LRMDA: variants seen among roughly 807,000 people sequenced by gnomAD.
LRMDA encodes the protein leucine rich melanocyte differentiation associated, also known as leucine-rich melanocyte differentiation-associated protein.
LRMDA carries 18 observed loss-of-function variants against 29.8 expected under a neutral mutation model. That is an observed-to-expected ratio of 0.60 (90% CI 0.42 to 0.90). The LOEUF is 0.90. Among genes scored for constraint, LRMDA ranks in the 40% least tolerant of loss-of-function variants. The probability of loss-of-function intolerance (pLI) is 0.00; values close to 1 mark genes in which losing one functional copy is unlikely to be tolerated. For missense variants in LRMDA, 273 were observed against 273.9 expected, an observed-to-expected ratio of 1.00 and a Z score of 0.02; for synonymous variants, 125 against 109.4, an observed-to-expected ratio of 1.14 and a Z score of -0.89.
At chr10:75,635,312 C>T (rs1214261411) in intron 2 of LRMDA, among the ~76,000 whole-genome samples, 2 of 152,012 alleles carry the variant, frequency 1.3e-5, no homozygotes, top group African/African-American at 4.8e-5. Flanking sequence ...GGACTAGAGC[C>T]CCGAGAATTG....
chr10:75,777,512 A>G (rs1006298491), intron 2 of LRMDA, among the ~76,000 whole-genome samples: 4 of 152,238 alleles, frequency 2.6e-5, no homozygotes, highest in African/African-American at 9.6e-5. Context: ...CTGCTTCTGC[A>G]ACAAGCTGCT....
intron 2 of LRMDA, among the ~76,000 whole-genome samples, chr10:75,707,951 C>T (rs546915963): frequency 6.6e-6 from 1 of 152,290 alleles, no homozygotes; most frequent in East Asian, 1.9e-4. Context: ...TCCTTCCTTA[C>T]TTCTTGACCT....
At chr10:76,099,982 T>C (rs10824363) in intron 5 of LRMDA, among the ~76,000 whole-genome samples, 65,107 of 152,036 alleles carry the variant, frequency 0.43, 14,465 homozygotes, top group Non-Finnish European at 0.46. Flanking sequence ...TCAGGTCTTC[T>C]ATATCAGTGT....
intron 5 of LRMDA, among the ~76,000 whole-genome samples, chr10:76,115,536 G>A (rs1849654735): frequency 6.6e-6 from 1 of 152,242 alleles, no homozygotes; most frequent in Admixed American, 6.5e-5. Flanking sequence ...CTTAGAGGCG[G>A]ATGAGATGGG....
At chr10:76,181,294 G>A (rs890486827) in intron 5 of LRMDA, among the ~76,000 whole-genome samples, 3 of 152,178 alleles carry the variant, frequency 2.0e-5, no homozygotes, top group African/African-American at 7.2e-5. Context: ...TCCTCCCAGA[G>A]GACTGCTTCA....
intron 5 of LRMDA, among the ~76,000 whole-genome samples, chr10:76,142,425 TA>T (rs1478845539): frequency 1.3e-5 from 2 of 152,134 alleles, no homozygotes; most frequent in Non-Finnish European, 2.9e-5. Flanking sequence ...ATTTTTAAAA[TA>T]TTTAACTACA....
intron 5 of LRMDA, among the ~76,000 whole-genome samples, chr10:76,196,413 T>C (rs1438893963): frequency 2.0e-5 from 3 of 152,230 alleles, no homozygotes; most frequent in African/African-American, 7.2e-5. Context: ...TCACTTTGAA[T>C]CCTGAACTAG....
At chr10:76,110,577 G>C (rs1168697363) in intron 5 of LRMDA, among the ~76,000 whole-genome samples, 2 of 152,154 alleles carry the variant, frequency 1.3e-5, no homozygotes, top group Admixed American at 1.3e-4. Flanking sequence ...TGTTATGGGA[G>C]GGACCCACGG....
intron 2 of LRMDA, among the ~76,000 whole-genome samples, chr10:75,980,798 C>A (rs1158566579): frequency 1.3e-5 from 2 of 152,210 alleles, no homozygotes; most frequent in Non-Finnish European, 2.9e-5. Context: ...ATTTTTCCAA[C>A]ATTTCTCATT....
intron 6 of LRMDA, among the ~76,000 whole-genome samples, chr10:76,341,928 T>C (rs1841046593): frequency 6.6e-6 from 1 of 152,156 alleles, no homozygotes; most frequent in African/African-American, 2.4e-5. Context: ...ATTCTGTTCA[T>C]TACGGTAGTT....
intron 6 of LRMDA, among the ~76,000 whole-genome samples, chr10:76,533,667 T>G (rs572019010): frequency 5.3e-5 from 8 of 152,298 alleles, no homozygotes; most frequent in African/African-American, 1.4e-4. Context: ...CTTATTATAC[T>G]TTGATACTAA....
Position 76,558,858 on chromosome 10 carries a change from T to TAATC in LRMDA, c.*1572_*1575dup, listed in dbSNP as rs1843590996. 1 of 152,218 alleles carries TAATC rather than the reference T, an allele frequency of 6.6e-6. No homozygotes were observed. The highest frequency in any genetic ancestry group is 2.1e-4 in the South Asian group (1 of 4,834). 9.4% of individuals were successfully genotyped at this position (152,218 alleles called of 1,614,324 possible). ...CTGTTTGAGATTACACAACCTTTGT[T>TAATC]AATCAGTTCTTTAGACAAGTTAACA... is the stretch of plus-strand genomic sequence containing the variant. On this transcript the variant is annotated 3_prime_UTR_variant, in exon 7 of 7. Coordinates refer to ENST00000611255, the MANE Select transcript of LRMDA (RefSeq NM_001305581.2).
chr10:75,456,154 G>T (rs550932281), intron 2 of LRMDA, among the ~76,000 whole-genome samples: 105 of 152,314 alleles, frequency 6.9e-4, no homozygotes, highest in African/African-American at 2.4e-3. Context: ...CAGGAGTTGC[G>T]GGGGAGACAA....
intron 2 of LRMDA, among the ~76,000 whole-genome samples, chr10:75,536,751 G>A (rs1013105337): frequency 6.6e-6 from 1 of 152,024 alleles, no homozygotes; most frequent in African/African-American, 2.4e-5. Context: ...TAGAGATGGG[G>A]GTCTTGCTAT....
chr10:75,505,598 C>T lies in LRMDA; in HGVS notation c.131+67104C>T, dbSNP rs188578410. On this transcript the variant is annotated intron_variant, in intron 2 of 6. Transcript: ENST00000611255. ...CATCCCATCTCAGCTCCCTTGACTT[C>T]CCTCCATGAACCCTTTATTCTACCA... 2.1e-3 allele frequency among the ~76,000 whole-genome samples: 313 copies of T among 152,252 alleles called. 4 individuals are homozygous for T. Among genetic ancestry groups the T allele is most frequent in the Non-Finnish European group, 3.3e-3 (227 of 68,002 alleles).
intron 2 of LRMDA, among the ~76,000 whole-genome samples, chr10:76,008,413 CT>C: frequency 6.6e-6 from 1 of 151,466 alleles, no homozygotes; most frequent in East Asian, 2.0e-4. Flanking sequence ...TTTTTTTTGC[CT>C]TTTTTGCCTG....
At chr10:76,372,486 G>A (rs1299341161) in intron 6 of LRMDA, among the ~76,000 whole-genome samples, 6 of 151,924 alleles carry the variant, frequency 3.9e-5, no homozygotes, top group Non-Finnish European at 5.9e-5. Flanking sequence ...GGTGGCAGGT[G>A]CCTGAAATAC....
intron 5 of LRMDA, among the ~76,000 whole-genome samples, chr10:76,213,158 T>C (rs933734175): frequency 1.3e-5 from 2 of 152,152 alleles, no homozygotes; most frequent in Admixed American, 6.5e-5. Context: ...AAAAACAAAA[T>C]AGATGATTTT....
At chr10:75,658,613 C>T (rs1019945481) in intron 2 of LRMDA, among the ~76,000 whole-genome samples, 1 of 152,136 alleles carries the variant, frequency 6.6e-6, no homozygotes, top group African/African-American at 2.4e-5. Flanking sequence ...GAAAGAACCC[C>T]ATTTTACTTT....
Sources: gnomAD v4.1 joint callset for allele counts (sites outside exome capture counted in the v4.1 genomes callset) on GRCh38, gnomAD v4.1.1 for gene constraint, MANE v1.5 for transcripts, NCBI Gene and HGNC (gene_info 2026-07-23, HGNC 2026-07-21) for gene names.